Variants in CNN1 observed in about 807,000 individuals in gnomAD.
CNN1 encodes the protein calponin 1.
Under a neutral mutation model 35.3 loss-of-function variants are expected in CNN1, and 21 were observed. That is an observed-to-expected ratio of 0.60 (90% confidence interval 0.42 to 0.86). The LOEUF is 0.86. CNN1 is among the 40% of genes least tolerant of loss of function. The pLI is 0.00. For missense variants in CNN1, 314 were observed against 400.8 expected, an observed-to-expected ratio of 0.78 and a Z score of 1.85; for synonymous variants, 164 against 161.8, an observed-to-expected ratio of 1.01 and a Z score of -0.10.
chr19:11,548,330 A>G (rs1972638036), intron 5 of CNN1, among the ~76,000 whole-genome samples: 1 of 152,040 alleles, frequency 6.6e-6, no homozygotes, highest in South Asian at 2.1e-4. Context: ...GCTTGAGGTC[A>G]GGTGTTTCAG....
At chr19:11,539,868 TC>T (rs983274797) in intron 1 of CNN1, 23 of 1,150,284 alleles carry the variant, frequency 2.0e-5, no homozygotes, top group South Asian at 1.2e-4. Context: ...GCCGCCCTCC[TC>T]CCCCCCAGCG....
chr19:11,545,763 T>G (rs1599607501), intron 2 of CNN1, among the ~76,000 whole-genome samples: 1 of 134,004 alleles, frequency 7.5e-6, no homozygotes, highest in Non-Finnish European at 1.5e-5. Context: ...AAGACCAGCT[T>G]GGGCAATACA....
At chr19:11,547,340 T>A (rs1302911785) in intron 4 of CNN1, among the ~76,000 whole-genome samples, 1 of 147,994 alleles carries the variant, frequency 6.8e-6, no homozygotes, top group African/African-American at 2.5e-5. Flanking sequence ...GAGTCTGCAG[T>A]GAGCCGAGAT....
At chr19:11,546,059 A>G (rs1275000256) in intron 2 of CNN1, among the ~76,000 whole-genome samples, 2 of 152,134 alleles carry the variant, frequency 1.3e-5, no homozygotes, top group Non-Finnish European at 2.9e-5. Context: ...CCTGCTGTCT[A>G]CAAGAGAAAA....
intron 1 of CNN1, chr19:11,540,152 G>T (rs923695759): frequency 5.8e-6 from 4 of 687,106 alleles, no homozygotes; most frequent in South Asian, 5.5e-5. Flanking sequence ...GAGTGGGGGA[G>T]GGGGGGGACA....
intron 2 of CNN1, among the ~76,000 whole-genome samples, chr19:11,544,238 G>C (rs1972530417): frequency 6.6e-6 from 1 of 152,032 alleles, no homozygotes; most frequent in Admixed American, 6.6e-5. Flanking sequence ...AGAGTGGTCT[G>C]GGAGGCCTCT....
chr19:11,550,018 G>A lies in CNN1; in HGVS notation c.*223G>A, dbSNP rs1203189716. The A allele has an allele frequency of 1.0e-5, 6 of 582,408 alleles. No individual in the cohort carries two copies. Among genetic ancestry groups the A allele is most frequent in the African/African-American group, 3.8e-5 (2 of 52,546 alleles). The allele number at this position is 582,408 out of a possible 1,614,324, so 36.1% of individuals were successfully genotyped here. On this transcript the variant is annotated 3_prime_UTR_variant, in exon 7 of 7. Transcript: ENST00000252456. The stretch of plus-strand genomic sequence containing the variant: ...GTGCTACAGGGTCCAACATAGAGCC[G>A]GGTGTCCCCAACAGCGCCCAAAGGA...
intron 2 of CNN1, among the ~76,000 whole-genome samples, chr19:11,543,222 C>T (rs142458431): frequency 0.012 from 1,835 of 151,994 alleles, 33 homozygotes; most frequent in African/African-American, 0.04. Context: ...TGGTGGCATG[C>T]GCCTGTGGTC....
chr19:11,540,020 A>C, intron 1 of CNN1: 1 of 1,058,256 alleles, frequency 9.4e-7, no homozygotes, highest in Non-Finnish European at 1.1e-6. Flanking sequence ...GGCCAGGGCC[A>C]GGTGAGGGGG....
In CNN1 at chr19:11,541,074, A is replaced by G. The variant is rs1478608302; in HGVS notation, c.64-2A>G. Reference sequence around the variant, plus strand: ...GTGCCCCCTGCCCTCCCCTCGCCCCAGCTGGCCCAGAAGTATGACCACCAG... The same window carrying G: ...GTGCCCCCTGCCCTCCCCTCGCCCCGGCTGGCCCAGAAGTATGACCACCAG... On this transcript the variant is annotated splice_acceptor_variant, in intron 1 of 6. Coordinates refer to ENST00000252456, the MANE Select transcript of CNN1 (RefSeq NM_001299.6). LOFTEE classifies it high-confidence loss of function. 2 of 1,604,938 alleles carry G rather than the reference A, an allele frequency of 1.2e-6. No homozygotes were observed. The highest frequency in any genetic ancestry group is 3.4e-5 in the Admixed American group (2 of 58,828).
chr19:11,541,308 A>T, intron 2 of CNN1, 111 bp downstream of exon 2: 1 of 1,396,744 alleles, frequency 7.2e-7, no homozygotes, highest in Non-Finnish European at 9.6e-7. Context: ...TTTCTATTGG[A>T]TACCTTTGGG....
rs1972674899 is a variant in CNN1 at position 11,549,681 on chromosome 19, G to A, written c.780G>A (p.Val260=). The A allele has an allele frequency of 1.2e-6, 2 of 1,614,214 alleles. No homozygotes were observed. Among genetic ancestry groups the A allele is most frequent in the Non-Finnish European group, 1.7e-6 (2 of 1,180,032 alleles). The change falls in exon 7 of 7, where the codon GTG becomes GTA. Residue 260 remains valine (V), a synonymous_variant. Transcript: ENST00000252456. The surrounding 1 kb of genome is among the most constrained non-coding windows in gnomAD (Gnocchi z 5.2). ...GCGCCTCGCAGCGGGGCATGACGGT[G>A]TATGGGCTGCCACGCCAGGTCTACG... ...NKGASQRGMT[V]YGLPRQVYDP...
rs765173774 is a variant in CNN1, at chr19:11,541,079, G to T, written c.67G>T (p.Ala23Ser). Residue 23 changes from alanine to serine, a missense_variant, in exon 2 of 7, where the codon GCC becomes TCC. Transcript: ENST00000252456. ...GLSAEVKNKL[A>S]QKYDHQREQE... is the part of the protein sequence containing the mutation. The stretch of plus-strand genomic sequence containing the variant: ...CCCTGCCCTCCCCTCGCCCCAGCTG[G>T]CCCAGAAGTATGACCACCAGCGGGA... The T allele has an allele frequency of 3.5e-5, 57 of 1,607,646 alleles. No homozygotes were observed. Among genetic ancestry groups the T allele is most frequent in the Non-Finnish European group, 4.8e-5 (56 of 1,176,904 alleles).
intron 2 of CNN1, among the ~76,000 whole-genome samples, chr19:11,545,136 G>A (rs1226938494): frequency 6.6e-6 from 1 of 151,760 alleles, no homozygotes; most frequent in Non-Finnish European, 1.5e-5. Flanking sequence ...AGGAGACAGA[G>A]GTTGCAGTGA....
intron 1 of CNN1, chr19:11,539,736 CT>C (rs1972415530): frequency 3.1e-6 from 3 of 961,846 alleles, no homozygotes; most frequent in East Asian, 1.4e-4. Context: ...CTCAGGGTGG[CT>C]TTTCCCAGGG....
In CNN1 at chr19:11,543,463, T is replaced by TATAATAATAATAATA. The variant is rs372575864; in HGVS notation, c.185+2280_185+2294dup. 8.2e-3 allele frequency among the ~76,000 whole-genome samples: 1,208 copies of TATAATAATAATAATA among 147,640 alleles called. 23 individuals carry two copies. The highest frequency in any genetic ancestry group is 0.035 in the Admixed American group (514 of 14,644). On this transcript the variant is annotated intron_variant, in intron 2 of 6. Coordinates refer to ENST00000252456, the MANE Select transcript of CNN1 (RefSeq NM_001299.6). ...TGCATGTGTACCCTAGAACTTAAAG[T>TATAATAATAATAATA]ATAATAATAATAATAATAATAATAA...
At chr19:11,546,215 G>A (rs1972577730) in intron 2 of CNN1, among the ~76,000 whole-genome samples, 1 of 152,178 alleles carries the variant, frequency 6.6e-6, no homozygotes. Flanking sequence ...TGGTTTGGAG[G>A]GGCTGCAGCT....
Position 11,549,210 on chromosome 19 carries a change from AT to A in CNN1, c.502-112del, listed in dbSNP as rs1972658323. 1 of 1,202,512 alleles carries A rather than the reference AT, an allele frequency of 8.3e-7. No individual in the cohort carries two copies. 74.5% of individuals were successfully genotyped at this position (1,202,512 alleles called of 1,614,324 possible). On this transcript the variant is annotated intron_variant, in intron 5 of 6. Transcript: ENST00000252456. This position sits in a 1 kb window ranked among gnomAD's most constrained non-coding sequence, Gnocchi z 5.2. ...CTCAAAAAAAAATAAATAAAATAAAATAAAAATTGAAAAAAATGATAAAGCG... is the reference window on the plus strand; with the variant it reads ...CTCAAAAAAAAATAAATAAAATAAAAAAAAATTGAAAAAAATGATAAAGCG...
intron 2 of CNN1, among the ~76,000 whole-genome samples, chr19:11,544,684 T>C (rs1274070758): frequency 7.1e-6 from 1 of 140,560 alleles, no homozygotes; most frequent in African/African-American, 2.7e-5. Flanking sequence ...TTTTTTTTTG[T>C]AGAGACACGG....
Sources: allele counts gnomAD v4.1 joint callset (sites outside exome capture counted in the v4.1 genomes callset), GRCh38; gene constraint gnomAD v4.1.1; non-coding constraint Gnocchi (gnomAD v3.1); transcripts MANE v1.5; gene names NCBI Gene and HGNC (gene_info 2026-07-23, HGNC 2026-07-21).